The following IL12RB2 variants were observed in gnomAD, a reference collection of about 807,000 sequenced individuals.
IL12RB2 encodes interleukin 12 receptor subunit beta 2.
In IL12RB2, 82 loss-of-function variants were observed where a neutral mutation model predicts 89.4. The ratio of observed to expected loss-of-function variants is 0.92; its 90% CI spans 0.77 to 1.10. IL12RB2 has a LOEUF of 1.10. IL12RB2 is among the 50% of genes least tolerant of loss of function. The pLI, the probability that IL12RB2 is intolerant of heterozygous loss-of-function variation, is 0.00. For missense variants in IL12RB2, 963 were observed against 1,031.9 expected (o/e 0.93, Z 0.92); for synonymous variants, 368 against 370.1 (o/e 0.99, Z 0.07).
rs1390916380 is a variant in IL12RB2 at position 67,396,814 on chromosome 1, G to A, written c.*725G>A. 1.3e-5 allele frequency: 2 copies of A among 152,420 alleles called. No individual in the cohort carries two copies. The highest frequency in any genetic ancestry group is 2.9e-5 in the Non-Finnish European group (2 of 68,176). The allele number at this position is 152,420 out of a possible 1,614,324, so 9.4% of individuals were successfully genotyped here. Reference sequence around the variant, plus strand: ...AGGGCCCCCAAGGTGGTCATGACTGGTCTCATTTGCAGAAGTCTAAGAATG... The same window carrying A: ...AGGGCCCCCAAGGTGGTCATGACTGATCTCATTTGCAGAAGTCTAAGAATG... On this transcript the variant is annotated 3_prime_UTR_variant, in exon 17 of 17. Transcript: ENST00000674203.
chr1:67,353,355 G>A (rs915024657), intron 10 of IL12RB2, among the ~76,000 whole-genome samples: 7 of 152,140 alleles, frequency 4.6e-5, no homozygotes, highest in Admixed American at 2.0e-4. Context: ...GATTGCTTGA[G>A]CCCAGAAGTT....
At chr1:67,363,183 G>A (rs1033483881) in intron 10 of IL12RB2, among the ~76,000 whole-genome samples, 2 of 151,010 alleles carry the variant, frequency 1.3e-5, no homozygotes, top group South Asian at 2.1e-4. Context: ...TTACAGGCAT[G>A]AGCCACTGTG....
At chr1:67,333,369 T>TA (rs1354814039) in intron 8 of IL12RB2, among the ~76,000 whole-genome samples, 1 of 150,194 alleles carries the variant, frequency 6.7e-6, no homozygotes, top group Non-Finnish European at 1.5e-5. Flanking sequence ...ACTTGGCATT[T>TA]AAAAAAAATT....
intron 14 of IL12RB2, among the ~76,000 whole-genome samples, chr1:67,385,885 A>G (rs761501532): frequency 6.6e-6 from 1 of 152,216 alleles, no homozygotes; most frequent in Admixed American, 6.5e-5. Flanking sequence ...CCAGCAAGGT[A>G]CATGTCACCA....
intron 9 of IL12RB2, among the ~76,000 whole-genome samples, chr1:67,343,130 C>A (rs1336663804): frequency 1.7e-5 from 1 of 58,172 alleles, no homozygotes; most frequent in Admixed American, 1.7e-4. Context: ...TTCTGTCCCC[C>A]AGGCTGAAGT....
intron 9 of IL12RB2, among the ~76,000 whole-genome samples, chr1:67,341,491 G>GAGAAAGAGAAAGAAAGAAAGAGAAAA (rs143813418): frequency 0.4 from 13,770 of 34,246 alleles, 3,225 homozygotes; most frequent in African/African-American, 0.46. Context: ...AGAGAAAATA[G>GAGAAAGAGAAAGAAAGAAAGAGAAAA]AGAAAGAGAA....
At chr1:67,317,288 G>A (rs762139681) in intron 2 of IL12RB2, among the ~76,000 whole-genome samples, 1 of 152,184 alleles carries the variant, frequency 6.6e-6, no homozygotes, top group Non-Finnish European at 1.5e-5. Flanking sequence ...TTTTGGTTTA[G>A]AGACAGGGAG....
At chr1:67,380,204 T>C (rs1485991007) in intron 14 of IL12RB2, 81 bp downstream of exon 14, 3 of 1,453,544 alleles carry the variant, frequency 2.1e-6, no homozygotes, top group Non-Finnish European at 1.9e-6. Context: ...GGTATAGAGA[T>C]AATCAGATTT....
intron 7 of IL12RB2, among the ~76,000 whole-genome samples, chr1:67,330,273 TAAAAAA>T (rs66726768): frequency 0.012 from 1,750 of 150,510 alleles, 20 homozygotes; most frequent in Admixed American, 0.026. Flanking sequence ...AGGGTTTTTT[TAAAAAA>T]AAAAAAAGCC....
At chr1:67,350,617 T>G (rs912743915) in intron 9 of IL12RB2, among the ~76,000 whole-genome samples, 1 of 152,228 alleles carries the variant, frequency 6.6e-6, no homozygotes, top group Non-Finnish European at 1.5e-5. Context: ...AGTTTCATTT[T>G]AAAGCAAAAA....
intron 10 of IL12RB2, among the ~76,000 whole-genome samples, chr1:67,366,452 C>CAAAAAAAA (rs11329710): frequency 1.1e-4 from 6 of 53,404 alleles, no homozygotes; most frequent in Non-Finnish European, 1.9e-4. Flanking sequence ...GACTCCATCT[C>CAAAAAAAA]AAAAAAAAAA....
In IL12RB2 at chr1:67,369,462, G is replaced by C. The variant is rs369143626; in HGVS notation, c.1459+1437G>C. 1.2e-4 allele frequency among the ~76,000 whole-genome samples: 19 copies of C among 152,292 alleles called. No homozygotes were observed. The East Asian group carries it at 3.5e-3, about 28-fold the overall frequency. On this transcript the variant is annotated intron_variant, in intron 11 of 16. Coordinates refer to ENST00000674203, the MANE Select transcript of IL12RB2 (RefSeq NM_001374259.2). ...TTTCCTGCCTTTGATGTTCTCTAAT[G>C]GGACAATCGATTACCTCTCAAGGCA...
intron 8 of IL12RB2, among the ~76,000 whole-genome samples, chr1:67,333,389 C>CTTTTT (rs546599054): frequency 8.1e-6 from 1 of 124,060 alleles, no homozygotes; most frequent in African/African-American, 2.9e-5. Context: ...TAATAGTAAG[C>CTTTTT]TTTTTTTTTT....
At chr1:67,362,515 G>A (rs1367164145) in intron 10 of IL12RB2, among the ~76,000 whole-genome samples, 1 of 143,108 alleles carries the variant, frequency 7.0e-6, no homozygotes. Flanking sequence ...GCAGTGAGCC[G>A]AGATTGCGCC....
At chr1:67,384,850 C>T (rs1037750664) in intron 14 of IL12RB2, among the ~76,000 whole-genome samples, 1 of 152,216 alleles carries the variant, frequency 6.6e-6, no homozygotes, top group African/African-American at 2.4e-5. Flanking sequence ...GAGACCACCT[C>T]ATTCTCAACT....
chr1:67,359,419 C>A (rs552829157), intron 10 of IL12RB2, among the ~76,000 whole-genome samples: 1 of 152,288 alleles, frequency 6.6e-6, no homozygotes, highest in Admixed American at 6.5e-5. Context: ...AAATTCAACA[C>A]ATGTATTAAA....
rs756510297 is a variant in IL12RB2 at position 67,372,749 on chromosome 1, G to A, written c.1683G>A (p.Lys561=). 7 of 1,608,584 alleles carry A rather than the reference G, an allele frequency of 4.4e-6. No individual in the cohort carries two copies. The highest frequency in any genetic ancestry group is 1.3e-5 in the African/African-American group (1 of 74,840). Residue 561 remains lysine (K), a synonymous_variant, in exon 13 of 17, where the codon AAG becomes AAA. Coordinates refer to ENST00000674203, the MANE Select transcript of IL12RB2 (RefSeq NM_001374259.2). ...GCLLHYRIYW[K]ERDSNSQPQL... ...TCCTCCATTATAGGATATACTGGAA[G>A]GAACGGGACTCCAACTCCCAGCCTC... is the stretch of plus-strand genomic sequence containing the variant.
chr1:67,326,697 CTG>C, intron 4 of IL12RB2, 36 bp from the exon 5 acceptor site: 1 of 1,606,334 alleles, frequency 6.2e-7, no homozygotes, highest in Non-Finnish European at 8.5e-7. Context: ...GAAATATCAC[CTG>C]TGTGATATAT....
In IL12RB2 at chr1:67,350,951, A is replaced by G; in HGVS notation, c.1120A>G (p.Thr374Ala). 6.2e-7 allele frequency: 1 copy of G among 1,614,158 alleles called. No homozygotes were observed. The highest frequency in any genetic ancestry group is 8.5e-7 in the Non-Finnish European group (1 of 1,180,000). Reference protein sequence around the residue: ...LQELTGGKAMTQNITGHTSWT... With the variant: ...LQELTGGKAMAQNITGHTSWT... The stretch of plus-strand genomic sequence containing the variant: ...GGAGCTGACAGGAGGGAAAGCCATG[A>G]CACAGAACATCACAGGACACACCTC... Residue 374 changes from threonine (T) to alanine (A), a missense_variant, in exon 10 of 17, where the codon ACA becomes GCA. Transcript: ENST00000674203.
Sources: allele counts gnomAD v4.1 joint callset (sites outside exome capture counted in the v4.1 genomes callset), GRCh38; gene constraint gnomAD v4.1.1; transcripts MANE v1.5; gene names NCBI Gene and HGNC (gene_info 2026-07-23, HGNC 2026-07-21).